RRP9: variants seen among roughly 807,000 people sequenced by gnomAD.
The protein encoded by RRP9 is ribosomal RNA processing 9, U3 small nucleolar RNA binding protein, also known as U3 small nucleolar RNA-interacting protein 2.
Under a neutral mutation model 65.5 loss-of-function variants are expected in RRP9, and 35 were observed. The observed-to-expected ratio is 0.53, with a 90% CI of 0.41 to 0.71. The LOEUF (loss-of-function observed/expected upper bound fraction) is 0.71. Ranked by LOEUF, RRP9 falls within the 30% of genes least tolerant of loss-of-function variation. RRP9 has a pLI of 0.00. For missense variants in RRP9, 533 were observed against 633.6 expected (o/e 0.84, Z 1.70); for synonymous variants, 254 against 245.0 (o/e 1.04, Z -0.34).
Position 51,935,235 on chromosome 3 carries a change from T to G in RRP9, c.996A>C (p.Leu332=). The G allele has an allele frequency of 6.2e-7, 1 of 1,614,104 alleles. No individual in the cohort carries two copies. The highest frequency in any genetic ancestry group is 1.3e-5 in the African/African-American group (1 of 75,020). The part of the protein sequence containing the change: ...GHQGSIDCIH[L]INEEHMVSGA... Reference sequence around the variant, plus strand: ...CGGACACCATGTGCTCCTCATTGATTAGGTGGATGCAGTCGATGGAGCCCC... The same window carrying G: ...CGGACACCATGTGCTCCTCATTGATGAGGTGGATGCAGTCGATGGAGCCCC... Residue 332 remains leucine (L), a synonymous_variant, in exon 11 of 15, where the codon CTA becomes CTC. Coordinates refer to ENST00000232888, the MANE Select transcript of RRP9 (RefSeq NM_004704.5).
At chr3:51,936,099 C>T (rs752793437) in intron 8 of RRP9, among the ~76,000 whole-genome samples, 158 bp downstream of exon 8, 14 of 152,174 alleles carry the variant, frequency 9.2e-5, no homozygotes, top group Non-Finnish European at 1.8e-4. Context: ...CCTCCCCATC[C>T]CTTTAGCCCA....
Position 51,934,330 on chromosome 3 carries a change from G to T in RRP9, c.1260+142C>A, listed in dbSNP as rs1337575107. On this transcript the variant is annotated intron_variant, in intron 13 of 14. Transcript: ENST00000232888. The surrounding 1 kb of genome is among the most constrained non-coding windows in gnomAD (Gnocchi z 4.1). ...GAGCAGAGGAGGGAAAGTGGGGAGG[G>T]TTCCTGCCAGGCCCTGTGCTAGGAG... 11 of 796,442 alleles carry T rather than the reference G, an allele frequency of 1.4e-5. No individual in the cohort carries two copies. Among genetic ancestry groups the T allele is most frequent in the Non-Finnish European group, 2.2e-5 (11 of 501,324 alleles). 49.3% of individuals were successfully genotyped at this position (796,442 alleles called of 1,614,324 possible).
chr3:51,936,604 G>A, intron 6 of RRP9, 49 bp from the exon 7 acceptor site: 5 of 1,585,302 alleles, frequency 3.2e-6, no homozygotes, highest in Non-Finnish European at 4.3e-6. Flanking sequence ...GGATAGGGCT[G>A]GCTGGCAACC....
Position 51,936,318 on chromosome 3 carries a change from A to G in RRP9, c.674T>C (p.Ile225Thr), listed in dbSNP as rs1384527956. The change falls in exon 8 of 15, where the codon ATT (isoleucine) becomes ACT (threonine). Residue 225 changes from isoleucine (I) to threonine (T), a missense_variant. Around this residue, in one of 3 missense-constraint regions of RRP9, gnomAD observed 449 missense variants for 550.6 expected, o/e 0.82. Transcript: ENST00000232888. The stretch of plus-strand genomic sequence containing the variant: ...GTGCTGGCAGCTCTGGGCCTCCCAA[A>G]TGAGAATGAGCTTGCTGCGGTCACC... The part of the protein sequence containing the change: ...ASGDRSKLIL[I>T]WEAQSCQHLY... The G allele has an allele frequency of 1.2e-6, 2 of 1,614,146 alleles. No homozygotes were observed. The highest frequency in any genetic ancestry group is 3.3e-5 in the Admixed American group (2 of 60,022).
intron 8 of RRP9, among the ~76,000 whole-genome samples, chr3:51,936,043 G>A (rs893666297): frequency 6.6e-6 from 1 of 152,072 alleles, no homozygotes; most frequent in African/African-American, 2.4e-5. Context: ...GGCTTCTCAA[G>A]GCCCTCGTTG....
chr3:51,935,629 C>A lies in RRP9; in HGVS notation c.799G>T (p.Val267Leu). The change falls in exon 9 of 15, where the codon GTG becomes TTG. Residue 267 changes from valine (V) to leucine (L), a missense_variant. By Grantham distance (32) the Val-to-Leu change is conservative. Around this residue, in one of 3 missense-constraint regions of RRP9, gnomAD observed 449 missense variants for 550.6 expected, o/e 0.82. Transcript: ENST00000232888. Reference sequence around the variant, plus strand: ...TAGGAGTTCTCTGCCACATTCCACACCTTCACGGAGCGATCGTGGGATGTG... The same window carrying A: ...TAGGAGTTCTCTGCCACATTCCACAACTTCACGGAGCGATCGTGGGATGTG... ...YSTSHDRSVK[V>L]WNVAENSYVE... is the part of the protein sequence containing the mutation. 1 of 1,614,214 alleles carries A rather than the reference C, an allele frequency of 6.2e-7. No homozygotes were observed. The highest frequency in any genetic ancestry group is 1.3e-5 in the African/African-American group (1 of 75,052).
At position 51,937,120 on chromosome 3, in the gene RRP9, C is replaced by A; in HGVS notation, c.517+72G>T. 6.3e-7 allele frequency: 1 copy of A among 1,578,324 alleles called. No homozygotes were observed. The highest frequency in any genetic ancestry group is 1.1e-5 in the South Asian group (1 of 88,118). On this transcript the variant is annotated intron_variant, in intron 6 of 14. Coordinates refer to ENST00000232888, the MANE Select transcript of RRP9 (RefSeq NM_004704.5). This position sits in a 1 kb window ranked among gnomAD's most constrained non-coding sequence, Gnocchi z 5.0. ...ACTTCAGGGCTCAGCCTGCCATGAC[C>A]ACTCCCACTCCCCTGACCAGCCCTC...
rs548759663 is a variant in RRP9, at chr3:51,937,955, C to T, written c.280+140G>A. 4.7e-4 allele frequency: 439 copies of T among 926,088 alleles called. 1 individual carries two copies. The highest frequency in any genetic ancestry group is 1.0e-3 in the Middle Eastern group (3 of 2,938). 57.4% of individuals were successfully genotyped at this position (926,088 alleles called of 1,614,324 possible). A position where few individuals can be genotyped will look rare whatever the true frequency, so the allele number is the denominator to read the frequency against. ...CCATGAGAGCTTCTGGCCACCCCCA[C>T]AGGGCAGCCAGCACTGACAGCCTGG... On this transcript the variant is annotated intron_variant, in intron 3 of 14. Coordinates refer to ENST00000232888, the MANE Select transcript of RRP9 (RefSeq NM_004704.5). This position sits in a 1 kb window ranked among gnomAD's most constrained non-coding sequence, Gnocchi z 5.0.
intron 13 of RRP9, 79 bp from the exon 14 acceptor site, chr3:51,933,860 G>T: frequency 1.5e-6 from 2 of 1,353,350 alleles, no homozygotes; most frequent in Non-Finnish European, 2.1e-6. Flanking sequence ...CAAGGGCTGG[G>T]CCTTATCAGG....
Position 51,937,830 on chromosome 3 carries a change from G to T in RRP9, c.281-94C>A. 1 of 1,458,196 alleles carries T rather than the reference G, an allele frequency of 6.9e-7. No individual in the cohort carries two copies. The highest frequency in any genetic ancestry group is 9.5e-7 in the Non-Finnish European group (1 of 1,056,480). 90.3% of individuals were successfully genotyped at this position (1,458,196 alleles called of 1,614,324 possible). A position where few individuals can be genotyped will look rare whatever the true frequency, so the allele number is the denominator to read the frequency against. ...TCCCACTGCCCCAGGGCTGGATAAT[G>T]CAGGAAGCTCCAGCTGCCTCAGCAG... On this transcript the variant is annotated intron_variant, in intron 3 of 14. Coordinates refer to ENST00000232888, the MANE Select transcript of RRP9 (RefSeq NM_004704.5). This position sits in a 1 kb window ranked among gnomAD's most constrained non-coding sequence, Gnocchi z 5.0.
intron 2 of RRP9, among the ~76,000 whole-genome samples, 145 bp downstream of exon 2, chr3:51,941,242 GCAGAAACAAGACTTTGCAGGAC>G (rs1223863662): frequency 6.6e-6 from 1 of 152,172 alleles, no homozygotes; most frequent in Non-Finnish European, 1.5e-5. Flanking sequence ...CAGAGACCTC[GCAGAAACAAGACTTTGCAGGAC>G]CAGAAACTAA....
chr3:51,935,536 C>T, intron 9 of RRP9, 56 bp downstream of exon 9: 2 of 1,613,816 alleles, frequency 1.2e-6, no homozygotes, highest in Non-Finnish European at 1.7e-6. Flanking sequence ...CTCACGGGCA[C>T]ACACTCCCAC....
In RRP9 at chr3:51,937,394, TG is replaced by T. The variant is rs139078231; in HGVS notation, c.391-77del. The T allele has an allele frequency of 4.2e-4, 670 of 1,608,978 alleles. 4 individuals carry two copies. In the African/African-American group the frequency reaches 7.3e-3, roughly 17 times the overall value. Reference sequence around the variant, plus strand: ...CTTCACCAACCCCACTGCGTAGTGTTGGCCTTTCCCACCCAGGCCAGAAGGA... The same window carrying T: ...CTTCACCAACCCCACTGCGTAGTGTTGCCTTTCCCACCCAGGCCAGAAGGA... On this transcript the variant is annotated intron_variant, in intron 5 of 14. Coordinates refer to ENST00000232888, the MANE Select transcript of RRP9 (RefSeq NM_004704.5). This position sits in a 1 kb window ranked among gnomAD's most constrained non-coding sequence, Gnocchi z 5.0.
Position 51,935,583 on chromosome 3 carries a change from C to G in RRP9, c.836+9G>C. On this transcript the variant is annotated intron_variant, in intron 9 of 14. Transcript: ENST00000232888. ...CACCATCCACACACCCTCTCCCATC[C>G]ACACTCACAGCGTCTCCACGTAGGA... is the stretch of plus-strand genomic sequence containing the variant. 2 of 1,614,080 alleles carry G rather than the reference C, an allele frequency of 1.2e-6. No homozygotes were observed. Among genetic ancestry groups the G allele is most frequent in the Non-Finnish European group, 1.7e-6 (2 of 1,179,896 alleles).
chr3:51,936,739 C>T (rs1699464030), intron 6 of RRP9, among the ~76,000 whole-genome samples, 184 bp from the exon 7 acceptor site: 1 of 152,088 alleles, frequency 6.6e-6, no homozygotes, highest in Admixed American at 6.5e-5. Flanking sequence ...TGAAGAGGGA[C>T]ATTAGTGCCA....
At chr3:51,938,761 C>T (rs1388184026) in intron 2 of RRP9, among the ~76,000 whole-genome samples, 1 of 152,104 alleles carries the variant, frequency 6.6e-6, no homozygotes, top group African/African-American at 2.4e-5. Flanking sequence ...CAAGGGATAC[C>T]GGAAACCAGA....
rs755674100 is a variant in RRP9, at chr3:51,935,415, C to T, written c.898G>A (p.Ala300Thr). The stretch of plus-strand genomic sequence containing the variant: ...CGTACAGTCCCATCCCGGCCCCCAG[C>T]CGTCACACAGCACTCCCGGCTCAAG... ...DALSRECCVT[A>T]GGRDGTVRVW... The change falls in exon 10 of 15, where the codon GCT becomes ACT. Residue 300 changes from alanine (A) to threonine (T), a missense_variant. Physicochemically the swap from Ala to Thr is moderately conservative, Grantham distance 58 (BLOSUM62 0). This residue lies in a region of RRP9 where 449 missense variants were observed against 550.6 expected (regional missense o/e 0.82). Transcript: ENST00000232888. 6.2e-7 allele frequency: 1 copy of T among 1,614,190 alleles called. No homozygotes were observed. The highest frequency in any genetic ancestry group is 1.1e-5 in the South Asian group (1 of 91,078).
In RRP9 at chr3:51,934,384, TG is replaced by T; in HGVS notation, c.1260+87del. On this transcript the variant is annotated intron_variant, in intron 13 of 14. Coordinates refer to ENST00000232888, the MANE Select transcript of RRP9 (RefSeq NM_004704.5). This position sits in a 1 kb window ranked among gnomAD's most constrained non-coding sequence, Gnocchi z 4.1. ...GCCCTGCCCTGAGAAGGTTCCCTTC[TG>T]GCAGGAAGAAAGACCTTAAAGAGCT... The T allele has an allele frequency of 7.2e-7, 1 of 1,383,940 alleles. No individual in the cohort carries two copies. The highest frequency in any genetic ancestry group is 9.9e-7 in the Non-Finnish European group (1 of 1,011,506). 85.7% of individuals were successfully genotyped at this position (1,383,940 alleles called of 1,614,324 possible). A position where few individuals can be genotyped will look rare whatever the true frequency, so the allele number is the denominator to read the frequency against.
intron 1 of RRP9, 66 bp downstream of exon 1, chr3:51,941,715 C>A: frequency 7.0e-7 from 1 of 1,420,252 alleles, no homozygotes. Context: ...ACCCAGGTCC[C>A]CTGGATGGGA....
Sources: gnomAD v4.1 joint callset for allele counts (sites outside exome capture counted in the v4.1 genomes callset) on GRCh38, gnomAD v4.1.1 for gene constraint, gnomAD v4.1.1 regional missense constraint, Gnocchi (gnomAD v3.1) non-coding constraint, MANE v1.5 for transcripts, NCBI Gene and HGNC (gene_info 2026-07-23, HGNC 2026-07-21) for gene names.